Variants in BMP5 observed in about 807,000 individuals in gnomAD.
The protein encoded by BMP5 is bone morphogenetic protein 5.
A neutral mutation model predicts 46.6 loss-of-function variants in BMP5; 23 were observed. The observed-to-expected ratio is 0.49, with a 90% CI of 0.35 to 0.70. The LOEUF is 0.70. Ranked by LOEUF, BMP5 falls within the 30% of genes least tolerant of loss-of-function variation. BMP5 has a pLI of 0.00. For synonymous variants in BMP5, 204 were observed against 191.9 expected (o/e 1.06, Z -0.52); for missense variants, 545 against 565.6 (o/e 0.96, Z 0.37).
intron 5 of BMP5, among the ~76,000 whole-genome samples, chr6:55,760,191 G>A (rs937213197): frequency 3.3e-5 from 5 of 151,806 alleles, no homozygotes; most frequent in African/African-American, 1.2e-4. Context: ...CTTAAACAAC[G>A]GCACTCTTTT....
At position 55,845,479 on chromosome 6, in the gene BMP5, T is replaced by C. The variant is rs78906777; in HGVS notation, c.491-25632A>G. ...GGGATTTCCATGGATTGTGTGAATA[T>C]GTAACACTTCCCTTACTGTTAAGGT... On this transcript the variant is annotated intron_variant, in intron 1 of 6. Transcript: ENST00000370830. 4.8e-3 allele frequency among the ~76,000 whole-genome samples: 734 copies of C among 152,112 alleles called. 5 individuals carry two copies. The highest frequency in any genetic ancestry group is 0.016 in the African/African-American group (677 of 41,548).
intron 2 of BMP5, among the ~76,000 whole-genome samples, chr6:55,807,017 A>C (rs1202727805): frequency 6.6e-6 from 1 of 152,220 alleles, no homozygotes; most frequent in African/African-American, 2.4e-5. Context: ...ATCTGCAAAC[A>C]GAGACAATTT....
chr6:55,757,086 T>C (rs1774626391), intron 6 of BMP5, among the ~76,000 whole-genome samples: 2 of 152,062 alleles, frequency 1.3e-5, no homozygotes, highest in East Asian at 1.9e-4. Context: ...GTTCAAAGTT[T>C]GTGTCAGATT....
At chr6:55,820,259 G>A (rs1301567601) in intron 1 of BMP5, among the ~76,000 whole-genome samples, 9 of 152,074 alleles carry the variant, frequency 5.9e-5, no homozygotes, top group East Asian at 1.9e-4. Context: ...GAGGGAAATG[G>A]GAAAGAGGAC....
intron 1 of BMP5, among the ~76,000 whole-genome samples, chr6:55,834,625 T>C (rs943700331): frequency 3.9e-5 from 6 of 152,178 alleles, no homozygotes; most frequent in Non-Finnish European, 7.3e-5. Context: ...GCAGATACTA[T>C]ACTAGCTGTC....
rs1774551142 is a variant in BMP5, at chr6:55,755,154, A to G, written c.*379T>C. 1 of 154,784 alleles carries G rather than the reference A, an allele frequency of 6.5e-6. No homozygotes were observed. The highest frequency in any genetic ancestry group is 6.5e-5 in the Admixed American group (1 of 15,396). The allele number at this position is 154,784 out of a possible 1,614,324, so 9.6% of individuals were successfully genotyped here. A position where few individuals can be genotyped will look rare whatever the true frequency, so the allele number is the denominator to read the frequency against. On this transcript the variant is annotated 3_prime_UTR_variant, in exon 7 of 7. Coordinates refer to ENST00000370830, the MANE Select transcript of BMP5 (RefSeq NM_021073.4). ...GTTTTCATTGGCACAATATAACTAA[A>G]TTATTCAATTTCCTTCCACAATATT...
intron 3 of BMP5, among the ~76,000 whole-genome samples, chr6:55,779,509 C>T (rs951203266): frequency 2.0e-5 from 3 of 151,944 alleles, no homozygotes; most frequent in African/African-American, 7.3e-5. Flanking sequence ...TTATATGACT[C>T]TAAATTATAC....
chr6:55,783,599 C>T (rs1207260341), intron 3 of BMP5, among the ~76,000 whole-genome samples: 2 of 151,750 alleles, frequency 1.3e-5, no homozygotes, highest in Admixed American at 6.6e-5. Context: ...ATAAGTTAAA[C>T]TTAAGTAGAA....
chr6:55,808,920 C>A (rs1274824272), intron 2 of BMP5, among the ~76,000 whole-genome samples: 1 of 152,154 alleles, frequency 6.6e-6, no homozygotes, highest in Non-Finnish European at 1.5e-5. Flanking sequence ...TCTTGACCCA[C>A]CCCACAGATA....
At chr6:55,826,863 T>C (rs1389727228) in intron 1 of BMP5, among the ~76,000 whole-genome samples, 1 of 151,796 alleles carries the variant, frequency 6.6e-6, no homozygotes, top group Non-Finnish European at 1.5e-5. Context: ...ACAGAGTTAG[T>C]TATCACAAAG....
chr6:55,841,916 CAG>C (rs143400522), intron 1 of BMP5, among the ~76,000 whole-genome samples: 265 of 146,316 alleles, frequency 1.8e-3, no homozygotes, highest in Admixed American at 3.6e-3. Flanking sequence ...GAGAGAGAGA[CAG>C]AGAGAGAGAG....
In BMP5 at chr6:55,819,724, C is replaced by G. The variant is rs778181148; in HGVS notation, c.614G>C (p.Ser205Thr). ...TGTTTCATTTTCAAATCGGTTGTTGCTCCGGTCCTTGTATATCCGGAATTC... is the reference window on the plus strand; with the variant it reads ...TGTTTCATTTTCAAATCGGTTGTTGGTCCGGTCCTTGTATATCCGGAATTC... ...AAEFRIYKDR[S>T]NNRFENETIK... The change falls in exon 2 of 7, where the codon AGC becomes ACC. Residue 205 changes from serine (S) to threonine (T), a missense_variant. Coordinates refer to ENST00000370830, the MANE Select transcript of BMP5 (RefSeq NM_021073.4). 36 of 1,613,682 alleles carry G rather than the reference C, an allele frequency of 2.2e-5. 1 individual carries two copies. In the South Asian group the frequency reaches 4.0e-4, roughly 18 times the overall value.
At chr6:55,817,837 G>A (rs1025955834) in intron 2 of BMP5, among the ~76,000 whole-genome samples, 15 of 152,240 alleles carry the variant, frequency 9.9e-5, no homozygotes, top group Admixed American at 2.6e-4. Flanking sequence ...AAGCCAAGGC[G>A]TAGCCTAATT....
At chr6:55,770,957 C>T (rs147963208) in intron 4 of BMP5, among the ~76,000 whole-genome samples, 2,363 of 151,858 alleles carry the variant, frequency 0.016, 23 homozygotes, top group Non-Finnish European at 0.022. Flanking sequence ...TCACTGATAA[C>T]ATAAACCATA....
chr6:55,834,916 A>G (rs146578176), intron 1 of BMP5, among the ~76,000 whole-genome samples: 1 of 152,194 alleles, frequency 6.6e-6, no homozygotes, highest in Non-Finnish European at 1.5e-5. Flanking sequence ...CCATGTCTGT[A>G]CTAAAAATTA....
chr6:55,874,596 A>C lies in BMP5; in HGVS notation c.270T>G (p.Asn90Lys). 1 of 1,613,526 alleles carries C rather than the reference A, an allele frequency of 6.2e-7. No individual in the cohort carries two copies. ...FMLDLYNAMT[N>K]EENPEESEYS... Reference sequence around the variant, plus strand: ...ACTCCGACTCTTCAGGATTTTCTTCATTGGTCATGGCATTGTAGAGATCCA... The same window carrying C: ...ACTCCGACTCTTCAGGATTTTCTTCCTTGGTCATGGCATTGTAGAGATCCA... The change falls in exon 1 of 7, where the codon AAT becomes AAG. Residue 90 changes from asparagine (N) to lysine (K), a missense_variant. Coordinates refer to ENST00000370830, the MANE Select transcript of BMP5 (RefSeq NM_021073.4).
At chr6:55,765,789 C>T (rs911173327) in intron 4 of BMP5, among the ~76,000 whole-genome samples, 29 of 152,094 alleles carry the variant, frequency 1.9e-4, no homozygotes, top group Non-Finnish European at 2.6e-4. Flanking sequence ...CAATGTGTGA[C>T]GCAAGACACC....
chr6:55,764,286 G>A lies in BMP5; in HGVS notation c.1028-3753C>T, dbSNP rs60552676. On this transcript the variant is annotated intron_variant, in intron 4 of 6. Coordinates refer to ENST00000370830, the MANE Select transcript of BMP5 (RefSeq NM_021073.4). ...CTTATTATTCAGCCATAAAAAGAATGAAATTGGCCTGGCGTGGTGTCTCAC... is the reference window on the plus strand; with the variant it reads ...CTTATTATTCAGCCATAAAAAGAATAAAATTGGCCTGGCGTGGTGTCTCAC... Among the ~76,000 whole-genome samples, 697 of 152,224 alleles carry A rather than the reference G, an allele frequency of 4.6e-3. 6 individuals are homozygous for A. The highest frequency in any genetic ancestry group is 0.016 in the African/African-American group (662 of 41,542).
chr6:55,758,965 C>T (rs760281938), intron 6 of BMP5, 40 bp downstream of exon 6: 1 of 1,300,116 alleles, frequency 7.7e-7, no homozygotes, highest in South Asian at 1.2e-5. Flanking sequence ...AATATGCTTG[C>T]ATTCTAAGCT....
Sources: allele counts gnomAD v4.1 joint callset (sites outside exome capture counted in the v4.1 genomes callset), GRCh38; gene constraint gnomAD v4.1.1; transcripts MANE v1.5; gene names NCBI Gene and HGNC (gene_info 2026-07-23, HGNC 2026-07-21).